BRINP3: variants seen among roughly 807,000 people sequenced by gnomAD.
The protein encoded by BRINP3 is BMP/retinoic acid-inducible neural-specific protein 3.
BRINP3 carries 19 observed loss-of-function variants against 71.0 expected under a neutral mutation model. That is an observed-to-expected ratio of 0.27 (90% CI 0.19 to 0.39). The LOEUF is 0.39. Among genes scored for constraint, BRINP3 ranks in the 10% least tolerant of loss-of-function variants. The pLI, the probability that BRINP3 is intolerant of heterozygous loss-of-function variation, is 1.00. For synonymous variants in BRINP3, 380 were observed against 337.7 expected, an observed-to-expected ratio of 1.13 and a Z score of -1.37; for missense variants, 959 against 940.8, an observed-to-expected ratio of 1.02 and a Z score of -0.25.
At chr1:190,430,062 G>C (rs189892831) in intron 2 of BRINP3, among the ~76,000 whole-genome samples, 2 of 152,188 alleles carry the variant, frequency 1.3e-5, no homozygotes, top group East Asian at 3.9e-4. Flanking sequence ...GTTAGGACAC[G>C]TCTAAGAAAA....
chr1:190,151,211 C>A (rs1024234412), intron 7 of BRINP3, among the ~76,000 whole-genome samples: 1 of 152,052 alleles, frequency 6.6e-6, no homozygotes, highest in African/African-American at 2.4e-5. Flanking sequence ...TAAAAGGCAT[C>A]CACTTATTCA....
intron 2 of BRINP3, among the ~76,000 whole-genome samples, chr1:190,424,367 G>T (rs985326081): frequency 7.9e-5 from 12 of 151,564 alleles, no homozygotes; most frequent in Non-Finnish European, 1.5e-4. Context: ...GAGATGTCAA[G>T]TCTCAGAAAA....
chr1:190,108,470 A>G (rs1260718934), intron 7 of BRINP3, among the ~76,000 whole-genome samples: 1 of 151,802 alleles, frequency 6.6e-6, no homozygotes, highest in Non-Finnish European at 1.5e-5. Context: ...GTCCTGTTTC[A>G]CATGACTTTG....
At chr1:190,262,946 T>G (rs537036599) in intron 4 of BRINP3, among the ~76,000 whole-genome samples, 93 of 152,232 alleles carry the variant, frequency 6.1e-4, no homozygotes, top group Non-Finnish European at 1.2e-3. Flanking sequence ...TGCCACATAC[T>G]TCTCCTGTGG....
chr1:190,260,421 A>T (rs1490017872), intron 4 of BRINP3, among the ~76,000 whole-genome samples: 1 of 152,124 alleles, frequency 6.6e-6, no homozygotes, highest in African/African-American at 2.4e-5. Flanking sequence ...CACCCTAAAT[A>T]TATACAATCA....
At chr1:190,445,086 A>G (rs537297313) in intron 2 of BRINP3, among the ~76,000 whole-genome samples, 140 of 152,268 alleles carry the variant, frequency 9.2e-4, no homozygotes, top group African/African-American at 3.3e-3. Flanking sequence ...AAGGCAGATT[A>G]TGGAATTATA....
At chr1:190,318,977 G>A (rs1268297236) in intron 2 of BRINP3, among the ~76,000 whole-genome samples, 1 of 152,008 alleles carries the variant, frequency 6.6e-6, no homozygotes, top group Non-Finnish European at 1.5e-5. Context: ...GAATTGAACA[G>A]CTTTAATTAC....
chr1:190,430,577 A>C (rs1316231118), intron 2 of BRINP3, among the ~76,000 whole-genome samples: 1 of 152,156 alleles, frequency 6.6e-6, no homozygotes, highest in Non-Finnish European at 1.5e-5. Flanking sequence ...GGAAGAGGGA[A>C]GAAGTCAAAG....
chr1:190,299,022 C>G (rs1448229877), intron 2 of BRINP3, among the ~76,000 whole-genome samples: 1 of 152,082 alleles, frequency 6.6e-6, no homozygotes, highest in Admixed American at 6.5e-5. Context: ...AATATGTGTT[C>G]ATGTTGTATT....
At chr1:190,375,636 C>T (rs138688927) in intron 2 of BRINP3, among the ~76,000 whole-genome samples, 11 of 151,984 alleles carry the variant, frequency 7.2e-5, no homozygotes, top group Non-Finnish European at 1.5e-4. Flanking sequence ...TAAATTGAGT[C>T]ACAAGTTCAT....
intron 2 of BRINP3, among the ~76,000 whole-genome samples, chr1:190,376,172 A>G (rs1427224509): frequency 6.6e-6 from 1 of 151,664 alleles, no homozygotes; most frequent in East Asian, 1.9e-4. Flanking sequence ...TTTTTTTAAT[A>G]TAGTAGCAGC....
intron 4 of BRINP3, among the ~76,000 whole-genome samples, chr1:190,261,593 C>G (rs1201417638): frequency 2.6e-5 from 4 of 152,072 alleles, no homozygotes; most frequent in Non-Finnish European, 2.9e-5. Flanking sequence ...TTTTGTAGAT[C>G]TAATTATATT....
intron 6 of BRINP3, among the ~76,000 whole-genome samples, chr1:190,209,055 A>G (rs576203362): frequency 4.7e-4 from 72 of 152,198 alleles, no homozygotes; most frequent in African/African-American, 1.4e-3. Context: ...AAAATACAGT[A>G]AATATTTACT....
chr1:190,148,640 TAAA>T (rs1558008919), intron 7 of BRINP3, among the ~76,000 whole-genome samples: 1 of 148,542 alleles, frequency 6.7e-6, no homozygotes, highest in Non-Finnish European at 1.5e-5. Flanking sequence ...AATAAATAAA[TAAA>T]TAAATAAATT....
chr1:190,190,168 G>A (rs1653908590), intron 6 of BRINP3, among the ~76,000 whole-genome samples: 1 of 152,138 alleles, frequency 6.6e-6, no homozygotes. Context: ...GGAGGGCGCA[G>A]AAACTTAGTT....
Position 190,443,414 on chromosome 1 carries a change from AAAAAG to A in BRINP3, c.236+11236_236+11240del, listed in dbSNP as rs1420941770. Among the ~76,000 whole-genome samples the A allele has an allele frequency of 5.3e-3, 804 of 151,832 alleles. 7 individuals are homozygous for A. Among genetic ancestry groups the A allele is most frequent in the African/African-American group, 0.018 (759 of 41,374 alleles). On this transcript the variant is annotated intron_variant, in intron 2 of 7. Transcript: ENST00000367462. ...AGCAAGACTCCGTCTCAAAAAAAAA[AAAAAG>A]AAAAGAAAAGAAAAGAAAATATTCA...
At chr1:190,166,130 T>C (rs1036625910) in intron 6 of BRINP3, among the ~76,000 whole-genome samples, 1 of 152,134 alleles carries the variant, frequency 6.6e-6, no homozygotes, top group Admixed American at 6.6e-5. Flanking sequence ...CTATAAGCCA[T>C]GGGTATAGAG....
chr1:190,455,561 A>G (rs907615847), intron 1 of BRINP3, among the ~76,000 whole-genome samples: 1 of 152,026 alleles, frequency 6.6e-6, no homozygotes, highest in Non-Finnish European at 1.5e-5. Context: ...ACATGAACAG[A>G]TGTGTGTGTG....
intron 6 of BRINP3, among the ~76,000 whole-genome samples, chr1:190,217,472 C>T (rs909479104): frequency 9.2e-5 from 14 of 151,554 alleles, no homozygotes; most frequent in South Asian, 4.2e-4. Flanking sequence ...TTGTTTAGTT[C>T]CAAGAAAAGT....
Sources: gnomAD v4.1 joint callset for allele counts (sites outside exome capture counted in the v4.1 genomes callset) on GRCh38, gnomAD v4.1.1 for gene constraint, MANE v1.5 for transcripts, NCBI Gene and HGNC (gene_info 2026-07-23, HGNC 2026-07-21) for gene names.